ZCCHC2: variants seen among roughly 807,000 people sequenced by gnomAD.
ZCCHC2 encodes zinc finger CCHC domain-containing protein 2.
In ZCCHC2, 39 loss-of-function variants were observed where a neutral mutation model predicts 103.6. That is an observed-to-expected ratio of 0.38 (90% confidence interval 0.29 to 0.49). The LOEUF (loss-of-function observed/expected upper bound fraction) is 0.49, where lower values mean the gene tolerates loss of function less well. ZCCHC2 is among the 20% of genes least tolerant of loss of function. The pLI is 0.96. For missense variants in ZCCHC2, 1,483 were observed against 1,491.0 expected (o/e 0.99, Z 0.09); for synonymous variants, 687 against 608.9 (o/e 1.13, Z -1.89).
chr18:62,580,049 T>C (rs1489709097), downstream of ZCCHC2, among the ~76,000 whole-genome samples: 1 of 152,216 alleles, frequency 6.6e-6, no homozygotes, highest in Non-Finnish European at 1.5e-5. Context: ...CTCTTTTACT[T>C]GTTTATTTCC....
intron 1 of ZCCHC2, among the ~76,000 whole-genome samples, chr18:62,535,071 C>T (rs991917206): frequency 4.6e-5 from 7 of 152,232 alleles, no homozygotes; most frequent in Non-Finnish European, 8.8e-5. Context: ...AGCCCAGGCT[C>T]ACATCCTTCC....
rs550117001 is a variant in ZCCHC2, at chr18:62,564,960, A to G, written c.1752-42A>G. On this transcript the variant is annotated intron_variant, in intron 10 of 13. Transcript: ENST00000269499. ...ATACTGTACTGAATGTGTTTGGTAG[A>G]TAACCTTATTAAAATGTTGGCAATA... 2.8e-6 allele frequency: 4 copies of G among 1,420,436 alleles called. No individual in the cohort carries two copies. In the South Asian group the frequency reaches 4.7e-5, roughly 17 times the overall value. 88.0% of individuals were successfully genotyped at this position (1,420,436 alleles called of 1,614,324 possible).
In ZCCHC2 at chr18:62,574,146, C is replaced by T. The variant is rs1264444128; in HGVS notation, c.2065C>T (p.Pro689Ser). 4 of 1,613,894 alleles carry T rather than the reference C, an allele frequency of 2.5e-6. No homozygotes were observed. Among genetic ancestry groups the T allele is most frequent in the Middle Eastern group, 1.6e-4 (1 of 6,084 alleles). The change falls in exon 13 of 14, where the codon CCA (proline) becomes TCA (serine). Residue 689 changes from proline to serine, a missense_variant. By Grantham distance (74) the Pro-to-Ser change is moderately conservative. This residue lies in a region of ZCCHC2 where 884 missense variants were observed against 907.5 expected (regional missense o/e 0.97). Transcript: ENST00000269499. ...TGTCAACCAGACTGTCACTGTCAAG[C>T]CACCTGTTCAAATTGCTTCACTAGG... ...GSVNQTVTVK[P>S]PVQIASLGNE...
Position 62,576,658 on chromosome 18 carries a change from T to A in ZCCHC2, c.*79T>A. The A allele has an allele frequency of 7.3e-7, 1 of 1,368,196 alleles. No homozygotes were observed. The highest frequency in any genetic ancestry group is 1.0e-6 in the Non-Finnish European group (1 of 980,514). 84.8% of individuals were successfully genotyped at this position (1,368,196 alleles called of 1,614,324 possible). A position where few individuals can be genotyped will look rare whatever the true frequency, so the allele number is the denominator to read the frequency against. On this transcript the variant is annotated 3_prime_UTR_variant, in exon 14 of 14. Transcript: ENST00000269499. ...TGGAGGGGAGGAAAGGAAAGGTATT[T>A]TGTTTCTTTGTCTATACATTTCCTA...
At chr18:62,537,222 A>G (rs1447365827) in intron 1 of ZCCHC2, among the ~76,000 whole-genome samples, 1 of 152,098 alleles carries the variant, frequency 6.6e-6, no homozygotes, top group Non-Finnish European at 1.5e-5. Context: ...CCTGTTGCCC[A>G]GGCTGAAGTG....
chr18:62,566,630 A>T (rs540236212), intron 11 of ZCCHC2, among the ~76,000 whole-genome samples: 2 of 152,350 alleles, frequency 1.3e-5, no homozygotes, highest in East Asian at 3.9e-4. Flanking sequence ...ACTACTGCTC[A>T]CTAAAGAAGT....
intron 1 of ZCCHC2, among the ~76,000 whole-genome samples, chr18:62,532,027 T>C (rs79445500): frequency 0.02 from 3,082 of 151,956 alleles, 98 homozygotes; most frequent in African/African-American, 0.071. Context: ...TTTGAAGAGA[T>C]AGTAGGGTTG....
chr18:62,543,511 G>A (rs1047064022), intron 3 of ZCCHC2, among the ~76,000 whole-genome samples: 1 of 152,058 alleles, frequency 6.6e-6, no homozygotes, highest in African/African-American at 2.4e-5. Context: ...TGCGGCATGC[G>A]TCTCGCTCTT....
rs1158857809 is a variant in ZCCHC2 at position 62,523,640 on chromosome 18, T to C, written c.216T>C (p.Ala72=). 1.6e-6 allele frequency: 2 copies of C among 1,277,784 alleles called. No homozygotes were observed. The allele number at this position is 1,277,784 out of a possible 1,614,324, so 79.2% of individuals were successfully genotyped here. The change falls in exon 1 of 14, where the codon GCT becomes GCC. Residue 72 remains alanine, a synonymous_variant. Transcript: ENST00000269499. ...CCCGGGGACTCGGGCCGCCTGTTGC[T>C]GGTGGAGCGGCGGCGGGGGCGGGTA... The part of the protein sequence containing the change: ...PPPRGLGPPV[A]GGAAAGAGMP...
At position 62,558,713 on chromosome 18, in the gene ZCCHC2, T is replaced by A. The variant is rs1468537887; in HGVS notation, c.1435T>A (p.Ser479Thr). ...INNLQSSLKT[S>T]KILEHLKEDS... ...TAACTTACAATCCTCTCTGAAGACT[T>A]CTAAGATATTAGAACACTTAAAAGA... The change falls in exon 7 of 14, where the codon TCT becomes ACT. Residue 479 changes from serine (S) to threonine (T), a missense_variant. By Grantham distance (58) the Ser-to-Thr change is moderately conservative (BLOSUM62 1). This residue lies in a region of ZCCHC2 where 884 missense variants were observed against 907.5 expected (regional missense o/e 0.97). Transcript: ENST00000269499. The A allele has an allele frequency of 3.9e-6, 6 of 1,546,660 alleles. No individual in the cohort carries two copies. Among genetic ancestry groups the A allele is most frequent in the Non-Finnish European group, 5.2e-6 (6 of 1,145,128 alleles).
intron 11 of ZCCHC2, among the ~76,000 whole-genome samples, chr18:62,569,621 C>A (rs1262767695): frequency 6.6e-6 from 1 of 151,980 alleles, no homozygotes; most frequent in Admixed American, 6.6e-5. Context: ...CCACCTCACA[C>A]TACCTCAGTA....
At chr18:62,567,955 A>AAAAAAAAAAAAAAAG (rs1568555841) in intron 11 of ZCCHC2, among the ~76,000 whole-genome samples, 1 of 150,152 alleles carries the variant, frequency 6.7e-6, no homozygotes, top group Admixed American at 6.6e-5. Flanking sequence ...AAAAAAAAAA[A>AAAAAAAAAAAAAAAG]AAAAGAATGC....
At chr18:62,524,506 G>C in intron 1 of ZCCHC2, 143 bp downstream of exon 1, 1 of 1,313,938 alleles carries the variant, frequency 7.6e-7, no homozygotes, top group South Asian at 1.6e-5. Flanking sequence ...CCCAGCGCCA[G>C]AGGGCTGAGC....
At position 62,523,669 on chromosome 18, in the gene ZCCHC2, C is replaced by CG; in HGVS notation, c.248dup (p.Gly84ArgfsTer237). On this transcript the variant is annotated frameshift_variant, in exon 1 of 14. Coordinates refer to ENST00000269499, the MANE Select transcript of ZCCHC2 (RefSeq NM_017742.6). LOFTEE classifies it high-confidence loss of function. ...GGAGCGGCGGCGGGGGCGGGTATGC[C>CG]GGGCGGCGGCGGGGGGCCCTCGGCG... The CG allele has an allele frequency of 7.4e-7, 1 of 1,353,208 alleles. No homozygotes were observed. The highest frequency in any genetic ancestry group is 9.5e-7 in the Non-Finnish European group (1 of 1,057,302). 83.8% of individuals were successfully genotyped at this position (1,353,208 alleles called of 1,614,324 possible).
At chr18:62,525,227 C>T (rs1259289565) in intron 1 of ZCCHC2, 1 of 152,174 alleles carries the variant, frequency 6.6e-6, no homozygotes, top group African/African-American at 2.4e-5. Flanking sequence ...AGACGAGAAT[C>T]CAGATGAGAC....
intron 1 of ZCCHC2, chr18:62,524,924 G>C (rs1046021150): frequency 6.5e-6 from 1 of 153,120 alleles, no homozygotes; most frequent in Admixed American, 6.5e-5. Context: ...CCCAGTGTGT[G>C]CCTGAGTTAA....
chr18:62,544,786 G>T lies in ZCCHC2; in HGVS notation c.1129-16G>T, dbSNP rs200837194. 2 of 1,491,572 alleles carry T rather than the reference G, an allele frequency of 1.3e-6. No individual in the cohort carries two copies. The highest frequency in any genetic ancestry group is 1.3e-5 in the South Asian group (1 of 77,418). 92.4% of individuals were successfully genotyped at this position (1,491,572 alleles called of 1,614,324 possible). On this transcript the variant is annotated splice_polypyrimidine_tract_variant and intron_variant, in intron 3 of 13. Coordinates refer to ENST00000269499, the MANE Select transcript of ZCCHC2 (RefSeq NM_017742.6). ...TAGGGAATAACCATATAATATGTGT[G>T]TTTTTTTTAAATCAGGTAAATTGGT... is the stretch of plus-strand genomic sequence containing the variant.
At position 62,575,564 on chromosome 18, in the gene ZCCHC2, C is replaced by A. The variant is rs1335240459; in HGVS notation, c.3469+14C>A. ...CCAATCAACAAGGTAATCACAATAA[C>A]TCCCAGAGGACTTGTTTTTGAGTTC... On this transcript the variant is annotated intron_variant, in intron 13 of 13. Coordinates refer to ENST00000269499, the MANE Select transcript of ZCCHC2 (RefSeq NM_017742.6). 8 of 1,603,256 alleles carry A rather than the reference C, an allele frequency of 5.0e-6. No homozygotes were observed. Among genetic ancestry groups the A allele is most frequent in the Non-Finnish European group, 6.8e-6 (8 of 1,172,274 alleles).
chr18:62,543,187 A>G (rs1201049011), intron 3 of ZCCHC2, among the ~76,000 whole-genome samples: 2 of 152,154 alleles, frequency 1.3e-5, no homozygotes, highest in Non-Finnish European at 2.9e-5. Context: ...AGGTGGAACC[A>G]TGCCACGTTT....
Sources: gnomAD v4.1 joint callset for allele counts (sites outside exome capture counted in the v4.1 genomes callset) on GRCh38, gnomAD v4.1.1 for gene constraint, gnomAD v4.1.1 regional missense constraint, MANE v1.5 for transcripts, NCBI Gene and HGNC (gene_info 2026-07-23, HGNC 2026-07-21) for gene names.